Variants in RRBP1 observed in about 807,000 individuals in gnomAD.
RRBP1 encodes ribosome binding protein 1.
In RRBP1, 94 loss-of-function variants were observed where a neutral mutation model predicts 165.2. The observed-to-expected ratio is 0.57, with a 90% confidence interval of 0.48 to 0.68. The LOEUF is 0.68. RRBP1 is among the 30% of genes least tolerant of loss of function. The probability of loss-of-function intolerance (pLI) is 0.00; values close to 1 mark genes in which losing one functional copy is unlikely to be tolerated. For missense variants in RRBP1, 1,676 were observed against 1,763.0 expected (o/e 0.95, Z 0.88); for synonymous variants, 680 against 714.5 (o/e 0.95, Z 0.77).
rs144098334 is a variant in RRBP1 at position 17,648,337 on chromosome 20, G to A, written c.1913-5210C>T. 3.0e-4 allele frequency among the ~76,000 whole-genome samples: 46 copies of A among 152,368 alleles called. No individual in the cohort carries two copies. In the East Asian group the frequency reaches 7.9e-3, roughly 26 times the overall value. On this transcript the variant is annotated intron_variant, in intron 3 of 24. Transcript: ENST00000377813. ...CCAAATGCTCCTGGAGGCAAACTGC[G>A]ACTCCTGCTCTCACTCATTGCTCAT...
intron 17 of RRBP1, 93 bp from the exon 18 acceptor site, chr20:17,620,463 T>G: frequency 8.4e-7 from 1 of 1,192,814 alleles, no homozygotes; most frequent in East Asian, 2.3e-5. Context: ...CTGACCCAAC[T>G]TAGGAAGCCC....
At chr20:17,657,329 C>T (rs1489313274) in intron 3 of RRBP1, among the ~76,000 whole-genome samples, 4 of 152,310 alleles carry the variant, frequency 2.6e-5, no homozygotes, top group African/African-American at 4.8e-5. Context: ...GCCTCTCACA[C>T]GGAGCAGGGG....
At chr20:17,623,453 T>A (rs1194991407) in intron 13 of RRBP1, 1 of 152,248 alleles carries the variant, frequency 6.6e-6, no homozygotes, top group Non-Finnish European at 1.5e-5. Flanking sequence ...CTGCTGGCCA[T>A]GTCCCCTGGC....
Position 17,618,364 on chromosome 20 carries a change from C to T in RRBP1, c.3759+232G>A, listed in dbSNP as rs139406671. ...AACAGGGGACCAGGTAGCCAGGGGA[C>T]GGGAGATGGAGTGGGAGCACCCTGG... is the stretch of plus-strand genomic sequence containing the variant. On this transcript the variant is annotated intron_variant, in intron 20 of 24. Transcript: ENST00000377813. Among the ~76,000 whole-genome samples the T allele has an allele frequency of 3.7e-3, 558 of 152,248 alleles. 4 individuals carry two copies. The highest frequency in any genetic ancestry group is 0.013 in the African/African-American group (535 of 41,548).
Position 17,621,760 on chromosome 20 carries a change from C to T in RRBP1, c.3254G>A (p.Trp1085Ter). 1 of 1,613,970 alleles carries T rather than the reference C, an allele frequency of 6.2e-7. No homozygotes were observed. Among genetic ancestry groups the T allele is most frequent in the Non-Finnish European group, 8.5e-7 (1 of 1,180,020 alleles). ...GCCTTTCTCTTTGAGATCCTGCAGC[C>T]ACTCGGTGTAATTCTGCAATGAAAC... is the stretch of plus-strand genomic sequence containing the variant. Reference protein sequence around the residue: ...SVLAQQNYTEWLQDLKEKGPT... With the variant: ...SVLAQQNYTE Residue 1085 changes from tryptophan (W) to a stop codon, truncating the protein, a stop_gained, in exon 15 of 25, where the codon TGG becomes TAG. Transcript: ENST00000377813. LOFTEE classifies it high-confidence loss of function.
chr20:17,644,523 C>T (rs1296523027), intron 3 of RRBP1, among the ~76,000 whole-genome samples: 2 of 152,220 alleles, frequency 1.3e-5, no homozygotes, highest in East Asian at 1.9e-4. Context: ...CCTGCAGGTG[C>T]GTGTCTACTG....
chr20:17,660,309 C>T lies in RRBP1; in HGVS notation c.199G>A (p.Glu67Lys), dbSNP rs1172221807. Residue 67 changes from glutamate (E) to lysine (K), a missense_variant, in exon 3 of 25, where the codon GAG (glutamate) becomes AAG (lysine). Coordinates refer to ENST00000377813, the MANE Select transcript of RRBP1 (RefSeq NM_001365613.2). ...TTTTTCTTGGTCTTTCCTTTCTTCT[C>T]CACTGTTTTCTCCTTCTTTTTCTTC... ...VEKKKKEKTV[E>K]KKGKTKKKEE... 1 of 1,609,454 alleles carries T rather than the reference C, an allele frequency of 6.2e-7. No individual in the cohort carries two copies. The highest frequency in any genetic ancestry group is 8.5e-7 in the Non-Finnish European group (1 of 1,177,436).
At chr20:17,634,805 A>G (rs1600742236) in intron 7 of RRBP1, among the ~76,000 whole-genome samples, 1 of 152,334 alleles carries the variant, frequency 6.6e-6, no homozygotes, top group South Asian at 2.1e-4. Flanking sequence ...GGGGACAGGC[A>G]GAGGGGAAGG....
At position 17,614,137 on chromosome 20, in the gene RRBP1, C is replaced by T; in HGVS notation, c.*45G>A. ...GTTTATTTGTAAGGAATGTGTAAGG[C>T]ATTTTGGTAAGTTGAACAGTAACTT... On this transcript the variant is annotated 3_prime_UTR_variant, in exon 25 of 25. Coordinates refer to ENST00000377813, the MANE Select transcript of RRBP1 (RefSeq NM_001365613.2). The T allele has an allele frequency of 6.3e-7, 1 of 1,594,798 alleles. No homozygotes were observed. The highest frequency in any genetic ancestry group is 8.6e-7 in the Non-Finnish European group (1 of 1,162,376).
At chr20:17,615,868 C>T (rs550790798) in intron 22 of RRBP1, 58 bp downstream of exon 22, 128 of 1,472,800 alleles carry the variant, frequency 8.7e-5, no homozygotes, top group Admixed American at 6.1e-4. Context: ...CACTCATTCC[C>T]TGGAGACTCA....
chr20:17,673,192 G>A (rs2037012492), intron 2 of RRBP1, among the ~76,000 whole-genome samples: 1 of 152,192 alleles, frequency 6.6e-6, no homozygotes, highest in Non-Finnish European at 1.5e-5. Context: ...TGGAGGAGGA[G>A]CATCTTTAAG....
At chr20:17,634,361 G>A (rs1459053365) in intron 7 of RRBP1, among the ~76,000 whole-genome samples, 1 of 150,950 alleles carries the variant, frequency 6.6e-6, no homozygotes, top group African/African-American at 2.5e-5. Context: ...TTGCTCTGCT[G>A]CCTGCGGGGT....
At chr20:17,624,481 G>T in intron 13 of RRBP1, 95 bp downstream of exon 13, 1 of 816,836 alleles carries the variant, frequency 1.2e-6, no homozygotes, top group Non-Finnish European at 2.1e-6. Context: ...GCGTCCTAGA[G>T]CATCTGGTGT....
rs148647374 is a variant in RRBP1 at position 17,669,837 on chromosome 20, G to A, written c.-21-9309C>T. On this transcript the variant is annotated intron_variant, in intron 2 of 24. Coordinates refer to ENST00000377813, the MANE Select transcript of RRBP1 (RefSeq NM_001365613.2). Reference sequence around the variant, plus strand: ...CTTGCCTAATTCTAGTAACACATCTGTCGATTAAAAAGAAAAAAATTCTAC... The same window carrying A: ...CTTGCCTAATTCTAGTAACACATCTATCGATTAAAAAGAAAAAAATTCTAC... 5.8e-3 allele frequency among the ~76,000 whole-genome samples: 888 copies of A among 152,210 alleles called. 5 individuals carry two copies. The highest frequency in any genetic ancestry group is 9.9e-3 in the Admixed American group (151 of 15,292).
chr20:17,644,124 T>G (rs16999529), intron 3 of RRBP1, among the ~76,000 whole-genome samples: 1 of 151,306 alleles, frequency 6.6e-6, no homozygotes, highest in Admixed American at 6.8e-5. Context: ...TTTCACTTAC[T>G]AGTCATAATA....
intron 8 of RRBP1, 78 bp downstream of exon 8, chr20:17,633,382 C>A (rs994200540): frequency 2.0e-6 from 3 of 1,498,316 alleles, no homozygotes; most frequent in Non-Finnish European, 1.8e-6. Flanking sequence ...GCACGGCCAG[C>A]CTGGGCCCAT....
chr20:17,615,810 G>T lies in RRBP1; in HGVS notation c.3951+116C>A, dbSNP rs560115447. On this transcript the variant is annotated intron_variant, in intron 22 of 24. Coordinates refer to ENST00000377813, the MANE Select transcript of RRBP1 (RefSeq NM_001365613.2). ...ACCCACTGCTGCCCAGAAGGCCCAG[G>T]CCCAGCCCAGGTGCTGCTGGGCACA... 169 of 929,456 alleles carry T rather than the reference G, an allele frequency of 1.8e-4. 2 individuals carry two copies. In the African/African-American group the frequency reaches 2.3e-3, roughly 13 times the overall value. 57.6% of individuals were successfully genotyped at this position (929,456 alleles called of 1,614,324 possible). A position where few individuals can be genotyped will look rare whatever the true frequency, so the allele number is the denominator to read the frequency against.
chr20:17,639,569 A>C (rs1270692256), intron 5 of RRBP1, among the ~76,000 whole-genome samples: 3 of 152,176 alleles, frequency 2.0e-5, no homozygotes, highest in Non-Finnish European at 4.4e-5. Context: ...TTCCCTCAGC[A>C]GTGCTGGGCA....
At chr20:17,628,345 C>T (rs914378511) in intron 9 of RRBP1, among the ~76,000 whole-genome samples, 17 of 152,178 alleles carry the variant, frequency 1.1e-4, no homozygotes, top group Admixed American at 4.6e-4. Flanking sequence ...CTTCCTCCCT[C>T]GCCCACTGCC....
Sources: allele counts gnomAD v4.1 joint callset (sites outside exome capture counted in the v4.1 genomes callset), GRCh38; gene constraint gnomAD v4.1.1; transcripts MANE v1.5; gene names NCBI Gene and HGNC (gene_info 2026-07-23, HGNC 2026-07-21).